The following TENM2 variants were observed in gnomAD, a reference collection of about 807,000 sequenced individuals.
TENM2 encodes teneurin-2.
TENM2 carries 52 observed loss-of-function variants against 245.2 expected under a neutral mutation model. The ratio of observed to expected loss-of-function variants is 0.21; its 90% CI spans 0.17 to 0.27. The LOEUF is 0.27. Among genes scored for constraint, TENM2 ranks in the 10% least tolerant of loss-of-function variants. The pLI, the probability that TENM2 is intolerant of heterozygous loss-of-function variation, is 1.00. For missense variants in TENM2, 3,046 were observed against 3,666.8 expected (o/e 0.83, Z 4.37); for synonymous variants, 1,363 against 1,438.9 (o/e 0.95, Z 1.19).
chr5:167,062,830 A>G, the TENM2 span, among the ~76,000 whole-genome samples: 1 of 152,222 alleles, frequency 6.6e-6, no homozygotes, highest in African/African-American at 2.4e-5. Context: ...TTCTTGGCAG[A>G]GAAAATAGTT....
chr5:167,680,080 C>T (rs1217899484), intron 2 of TENM2, among the ~76,000 whole-genome samples: 4 of 152,146 alleles, frequency 2.6e-5, no homozygotes, highest in African/African-American at 7.2e-5. Context: ...ATTTCCCAGC[C>T]TGTAGTGGAC....
chr5:167,480,132 G>A (rs1437024608), intron 2 of TENM2, among the ~76,000 whole-genome samples: 1 of 152,170 alleles, frequency 6.6e-6, no homozygotes, highest in Non-Finnish European at 1.5e-5. Context: ...TCTTCCAGCA[G>A]GTAAGCTTTC....
At chr5:168,138,134 AT>A (rs1156832016) in intron 12 of TENM2, among the ~76,000 whole-genome samples, 3 of 152,210 alleles carry the variant, frequency 2.0e-5, no homozygotes, top group Non-Finnish European at 4.4e-5. Flanking sequence ...AGTTTGGGGA[AT>A]TATGTAGCAA....
chr5:167,614,801 C>T (rs1029288929), intron 2 of TENM2, among the ~76,000 whole-genome samples: 1 of 152,104 alleles, frequency 6.6e-6, no homozygotes, highest in Admixed American at 6.6e-5. Flanking sequence ...CAGCTTCATG[C>T]GATCTCTGTC....
At chr5:167,891,713 A>T (rs1470099578) in intron 3 of TENM2, among the ~76,000 whole-genome samples, 1 of 152,134 alleles carries the variant, frequency 6.6e-6, no homozygotes, top group African/African-American at 2.4e-5. Context: ...CTGTCAGCAT[A>T]TTTTGATTAA....
chr5:166,997,175 C>T, the TENM2 span, among the ~76,000 whole-genome samples: 7 of 152,276 alleles, frequency 4.6e-5, no homozygotes, highest in South Asian at 1.5e-3. Flanking sequence ...ACCATGCCAG[C>T]GAAGACCTAC....
chr5:167,680,035 C>A (rs989739454), intron 2 of TENM2, among the ~76,000 whole-genome samples: 1 of 152,058 alleles, frequency 6.6e-6, no homozygotes, highest in Non-Finnish European at 1.5e-5. Flanking sequence ...TAACTCCTTA[C>A]CCTGTGTCTT....
At chr5:167,917,743 C>T (rs1004790599) in intron 3 of TENM2, among the ~76,000 whole-genome samples, 7 of 152,170 alleles carry the variant, frequency 4.6e-5, no homozygotes, top group Non-Finnish European at 1.0e-4. Context: ...GAAGCCTTCA[C>T]TGAAAGGGGT....
At chr5:167,764,033 G>A (rs542154519) in intron 2 of TENM2, among the ~76,000 whole-genome samples, 6 of 152,098 alleles carry the variant, frequency 3.9e-5, no homozygotes, top group East Asian at 1.9e-4. Context: ...TGTGCATTGC[G>A]TGTCTCTGTG....
intron 2 of TENM2, among the ~76,000 whole-genome samples, chr5:167,583,399 G>A (rs1038082386): frequency 8.0e-5 from 12 of 150,502 alleles, no homozygotes; most frequent in African/African-American, 2.9e-4. Flanking sequence ...GTGCCTAAAG[G>A]TGAATAGTCA....
chr5:167,556,997 A>G (rs1361673627), intron 2 of TENM2, among the ~76,000 whole-genome samples: 1 of 152,194 alleles, frequency 6.6e-6, no homozygotes, highest in Non-Finnish European at 1.5e-5. Context: ...TTCTTTATTT[A>G]AAATGTTAAG....
Position 168,030,473 on chromosome 5 carries a change from G to A in TENM2, c.1187-16954G>A, listed in dbSNP as rs954678051. 2.6e-5 allele frequency among the ~76,000 whole-genome samples: 4 copies of A among 152,076 alleles called. 1 individual carries two copies. Among genetic ancestry groups the A allele is most frequent in the Non-Finnish European group, 5.9e-5 (4 of 68,022 alleles). ...AAGGCTCATTAACACACAGATACCT[G>A]GACCCCACCCCTGAGTTTCTGATTT... On this transcript the variant is annotated intron_variant, in intron 5 of 28. Transcript: ENST00000518659.
intron 2 of TENM2, among the ~76,000 whole-genome samples, chr5:167,759,510 G>T (rs1762523880): frequency 6.6e-6 from 1 of 152,192 alleles, no homozygotes; most frequent in Non-Finnish European, 1.5e-5. Flanking sequence ...AAAGTCATCA[G>T]TTCCCAGGAA....
At chr5:167,570,922 C>G (rs1462043564) in intron 2 of TENM2, among the ~76,000 whole-genome samples, 1 of 152,082 alleles carries the variant, frequency 6.6e-6, no homozygotes, top group Non-Finnish European at 1.5e-5. Context: ...GGAGAAAGGG[C>G]TTGCTTCGAG....
intron 2 of TENM2, among the ~76,000 whole-genome samples, chr5:167,470,264 G>T (rs1382256488): frequency 6.6e-6 from 1 of 151,936 alleles, no homozygotes; most frequent in Non-Finnish European, 1.5e-5. Flanking sequence ...TCTTAAGCAG[G>T]AAGTTATGTT....
chr5:167,051,448 G>A, the TENM2 span, among the ~76,000 whole-genome samples: 2 of 149,126 alleles, frequency 1.3e-5, no homozygotes, highest in African/African-American at 5.0e-5. Flanking sequence ...AAAAAAGCTT[G>A]GAGTGTACAT....
At chr5:167,287,332 T>G (rs376985136) in intron 1 of TENM2, 1 of 152,350 alleles carries the variant, frequency 6.6e-6, no homozygotes, top group East Asian at 1.9e-4. Flanking sequence ...ATGTCATGCA[T>G]TTCCCATTTT....
intron 1 of TENM2, among the ~76,000 whole-genome samples, chr5:167,335,610 T>C (rs1757709872): frequency 6.6e-6 from 1 of 152,146 alleles, no homozygotes; most frequent in Non-Finnish European, 1.5e-5. Context: ...GACTCATCTT[T>C]TTTTTTTTAA....
chr5:167,330,339 T>C (rs1413852994), intron 1 of TENM2, among the ~76,000 whole-genome samples: 1 of 152,126 alleles, frequency 6.6e-6, no homozygotes, highest in Admixed American at 6.5e-5. Flanking sequence ...GTAGAGAAGG[T>C]ATTCTGTTTA....
Sources: gnomAD v4.1 joint callset for allele counts (sites outside exome capture counted in the v4.1 genomes callset) on GRCh38, gnomAD v4.1.1 for gene constraint, MANE v1.5 for transcripts, NCBI Gene and HGNC (gene_info 2026-07-23, HGNC 2026-07-21) for gene names.